The following BBX variants were observed in gnomAD, a reference collection of about 807,000 sequenced individuals.
BBX encodes the protein BBX high mobility group box domain containing.
BBX carries 30 observed loss-of-function variants against 100.2 expected under a neutral mutation model. The ratio of observed to expected loss-of-function variants is 0.30; its 90% CI spans 0.22 to 0.41. The LOEUF is 0.41. Among genes scored for constraint, BBX ranks in the 10% least tolerant of loss-of-function variants. The pLI, the probability that BBX is intolerant of heterozygous loss-of-function variation, is 1.00. For missense variants in BBX, 1,023 were observed against 1,129.8 expected, an observed-to-expected ratio of 0.91 and a Z score of 1.35; for synonymous variants, 376 against 388.1, an observed-to-expected ratio of 0.97 and a Z score of 0.37.
intron 5 of BBX, among the ~76,000 whole-genome samples, chr3:107,717,214 CTTTTT>C (rs2062170903): frequency 6.6e-6 from 1 of 151,710 alleles, no homozygotes; most frequent in Non-Finnish European, 1.5e-5. Context: ...TGATTTTTTT[CTTTTT>C]TAAGTTTTTC....
At chr3:107,793,207 T>C (rs2069235843) in intron 15 of BBX, among the ~76,000 whole-genome samples, 1 of 152,204 alleles carries the variant, frequency 6.6e-6, no homozygotes, top group East Asian at 1.9e-4. Flanking sequence ...AGAAGTACTA[T>C]ATTCTGTAGC....
At chr3:107,763,120 A>G (rs2066032332) in intron 10 of BBX, among the ~76,000 whole-genome samples, 1 of 152,214 alleles carries the variant, frequency 6.6e-6, no homozygotes, top group African/African-American at 2.4e-5. Context: ...TCAAAATTCT[A>G]AAAAGTCCAA....
At chr3:107,684,900 G>A (rs571309818) in intron 3 of BBX, among the ~76,000 whole-genome samples, 10 of 152,136 alleles carry the variant, frequency 6.6e-5, no homozygotes, top group Non-Finnish European at 8.8e-5. Context: ...AAGTGGGTGC[G>A]GGGAAGCAGC....
chr3:107,556,429 A>G (rs1331590956), intron 2 of BBX, among the ~76,000 whole-genome samples: 1 of 152,140 alleles, frequency 6.6e-6, no homozygotes, highest in Non-Finnish European at 1.5e-5. Flanking sequence ...TGCCAAGCAA[A>G]CTTTCAGAGC....
rs1359113478 is a variant in BBX at position 107,728,912 on chromosome 3, A to G, written c.553A>G (p.Lys185Glu). 3 of 1,613,852 alleles carry G rather than the reference A, an allele frequency of 1.9e-6. No individual in the cohort carries two copies. Among genetic ancestry groups the G allele is most frequent in the African/African-American group, 1.3e-5 (1 of 75,030 alleles). ...CTCTTCAAGAGACTTGCCAAGCCCC[A>G]AGAAAGCAAAGACTGAAGAAATGCC... ...SDSSRDLPSP[K>E]KAKTEEMPQL... Residue 185 changes from lysine (K) to glutamate (E), a missense_variant, in exon 6 of 18, where the codon AAG (lysine) becomes GAG (glutamate). Physicochemically the swap from Lys to Glu is moderately conservative, Grantham distance 56. This residue lies in a region of BBX where 229 missense variants were observed against 226.3 expected (regional missense o/e 1.01). Transcript: ENST00000325805.
In BBX at chr3:107,617,757, T is replaced by C. The variant is rs559157381; in HGVS notation, c.-83-28079T>C. ...ATATTTAACTGGTGTCTTTTGACTT[T>C]GCTAAAGTCATTCATTTTAGAAGAT... On this transcript the variant is annotated intron_variant, in intron 2 of 17. Coordinates refer to ENST00000325805, the MANE Select transcript of BBX (RefSeq NM_001142568.3). 3.9e-5 allele frequency among the ~76,000 whole-genome samples: 6 copies of C among 152,268 alleles called. No homozygotes were observed. The South Asian group carries it at 1.0e-3, about 26-fold the overall frequency.
intron 2 of BBX, among the ~76,000 whole-genome samples, chr3:107,598,655 A>G (rs2053834795): frequency 6.6e-6 from 1 of 152,216 alleles, no homozygotes; most frequent in Non-Finnish European, 1.5e-5. Context: ...TAGAGAGGTT[A>G]TGCCAATTGC....
chr3:107,608,053 C>G (rs2054577270), intron 2 of BBX, among the ~76,000 whole-genome samples: 1 of 151,978 alleles, frequency 6.6e-6, no homozygotes, highest in Admixed American at 6.6e-5. Flanking sequence ...TTGCAAGAAA[C>G]TTTTTGACTT....
At chr3:107,780,506 G>T (rs945652882) in intron 13 of BBX, among the ~76,000 whole-genome samples, 4 of 151,864 alleles carry the variant, frequency 2.6e-5, no homozygotes, top group Admixed American at 6.6e-5. Flanking sequence ...TGGAGCTTTG[G>T]ATTATACTTC....
intron 7 of BBX, among the ~76,000 whole-genome samples, chr3:107,738,353 A>C (rs1044813024): frequency 2.6e-5 from 4 of 152,168 alleles, no homozygotes; most frequent in African/African-American, 9.7e-5. Context: ...CAATGACAAG[A>C]TTTAAACTGC....
chr3:107,778,253 A>G, intron 12 of BBX, 118 bp from the exon 13 acceptor site: 1 of 1,249,160 alleles, frequency 8.0e-7, no homozygotes, highest in Non-Finnish European at 1.1e-6. Context: ...CACAGAATTT[A>G]CTTACCTAAT....
intron 2 of BBX, among the ~76,000 whole-genome samples, chr3:107,562,377 T>C (rs1446315682): frequency 6.6e-6 from 1 of 152,174 alleles, no homozygotes; most frequent in Non-Finnish European, 1.5e-5. Flanking sequence ...CTTAAAAGAA[T>C]AATAGTTCTT....
intron 3 of BBX, among the ~76,000 whole-genome samples, chr3:107,661,188 TGTGA>T (rs1442271410): frequency 3.9e-5 from 6 of 152,180 alleles, no homozygotes; most frequent in African/African-American, 9.7e-5. Context: ...TAGTGAGTAG[TGTGA>T]GTAATTCAGT....
chr3:107,590,607 A>T lies in BBX; in HGVS notation c.-83-55229A>T, dbSNP rs540595306. Among the ~76,000 whole-genome samples the T allele has an allele frequency of 7.2e-5, 11 of 152,304 alleles. No homozygotes were observed. In the East Asian group the frequency reaches 1.9e-3, roughly 27 times the overall value. On this transcript the variant is annotated intron_variant, in intron 2 of 17. Transcript: ENST00000325805. ...TCCCATGTATGAGTGAGAACTATAC[A>T]CATCTATCTTACATTCGTTTTCTGA...
At chr3:107,729,574 C>G (rs1297819062) in intron 6 of BBX, among the ~76,000 whole-genome samples, 1 of 152,168 alleles carries the variant, frequency 6.6e-6, no homozygotes, top group African/African-American at 2.4e-5. Flanking sequence ...TCATTTATTA[C>G]CATGAAATAA....
intron 5 of BBX, among the ~76,000 whole-genome samples, 185 bp from the exon 6 acceptor site, chr3:107,728,580 A>G (rs1299207105): frequency 6.6e-6 from 1 of 152,192 alleles, no homozygotes; most frequent in African/African-American, 2.4e-5. Flanking sequence ...AATGGATTAG[A>G]TAACTCCATG....
chr3:107,637,001 A>G (rs1359995581), intron 2 of BBX, among the ~76,000 whole-genome samples: 1 of 152,176 alleles, frequency 6.6e-6, no homozygotes, highest in Non-Finnish European at 1.5e-5. Context: ...TTGGCTTGCT[A>G]TTTATTCTTC....
intron 15 of BBX, among the ~76,000 whole-genome samples, chr3:107,795,613 CTTTTT>C (rs1158136233): frequency 2.2e-4 from 13 of 60,000 alleles, no homozygotes; most frequent in African/African-American, 8.8e-4. Context: ...CCGACGTAGT[CTTTTT>C]TTTTTTTTTT....
chr3:107,531,729 C>T (rs115187436), intron 2 of BBX, among the ~76,000 whole-genome samples: 26 of 152,198 alleles, frequency 1.7e-4, no homozygotes, highest in Non-Finnish European at 3.1e-4. Context: ...CTGAGGCACG[C>T]CACAGTAAAG....
Sources: allele counts gnomAD v4.1 joint callset (sites outside exome capture counted in the v4.1 genomes callset), GRCh38; gene constraint gnomAD v4.1.1; regional missense constraint gnomAD v4.1.1; transcripts MANE v1.5; gene names NCBI Gene and HGNC (gene_info 2026-07-23, HGNC 2026-07-21).